The following CEP128 variants were observed in gnomAD, a reference collection of about 807,000 sequenced individuals.
The protein encoded by CEP128 is centrosomal protein 128.
In CEP128, 132 loss-of-function variants were observed where a neutral mutation model predicts 156.7. The observed-to-expected ratio is 0.84, with a 90% confidence interval of 0.73 to 0.97. The LOEUF is 0.97. Ranked by LOEUF, CEP128 falls within the 50% of genes least tolerant of loss-of-function variation. The probability of loss-of-function intolerance (pLI) is 0.00; values close to 1 mark genes in which losing one functional copy is unlikely to be tolerated. For synonymous variants in CEP128, 469 were observed against 448.9 expected, an observed-to-expected ratio of 1.04 and a Z score of -0.57; for missense variants, 1,252 against 1,281.9, an observed-to-expected ratio of 0.98 and a Z score of 0.36.
At chr14:80,840,862 C>T (rs1414523022) in intron 9 of CEP128, 94 bp from the exon 10 acceptor site, 1 of 758,362 alleles carries the variant, frequency 1.3e-6, no homozygotes, top group South Asian at 1.6e-5. Context: ...CTGAAGAAGA[C>T]ATGGATATGA....
chr14:80,533,178 A>G (rs1014465438), intron 21 of CEP128, among the ~76,000 whole-genome samples: 2 of 152,198 alleles, frequency 1.3e-5, no homozygotes, highest in Admixed American at 6.5e-5. Context: ...TTTAAATAAT[A>G]AAATTATAGG....
intron 19 of CEP128, among the ~76,000 whole-genome samples, chr14:80,708,268 G>C (rs943556558): frequency 7.9e-5 from 12 of 152,082 alleles, no homozygotes; most frequent in Admixed American, 6.6e-4. Context: ...AAATGCTTAT[G>C]AAAATTAACT....
At chr14:80,564,454 A>G (rs1452659225) in intron 20 of CEP128, among the ~76,000 whole-genome samples, 5 of 152,248 alleles carry the variant, frequency 3.3e-5, no homozygotes, top group Non-Finnish European at 7.3e-5. Context: ...GGGGAAGCCT[A>G]AAGCATGTAT....
chr14:80,761,645 T>C, intron 16 of CEP128, 32 bp from the exon 17 acceptor site: 1 of 1,523,998 alleles, frequency 6.6e-7, no homozygotes, highest in Non-Finnish European at 9.0e-7. Flanking sequence ...AACAAGGTGA[T>C]TACTATTAAG....
Position 80,592,665 on chromosome 14 carries a change from C to T in CEP128, c.2807-12242G>A, listed in dbSNP as rs201531757. Among the ~76,000 whole-genome samples, 104 of 152,312 alleles carry T rather than the reference C, an allele frequency of 6.8e-4. 1 individual carries two copies. The East Asian group carries it at 7.3e-3, about 11-fold the overall frequency. Reference sequence around the variant, plus strand: ...CTTATTTTATGAGGCCAGCACCATCCTGATACGAAAACCAGGCGGAGACAC... The same window carrying T: ...CTTATTTTATGAGGCCAGCACCATCTTGATACGAAAACCAGGCGGAGACAC... On this transcript the variant is annotated intron_variant, in intron 19 of 24. Coordinates refer to ENST00000555265, the MANE Select transcript of CEP128 (RefSeq NM_152446.5).
intron 19 of CEP128, among the ~76,000 whole-genome samples, chr14:80,729,393 T>C (rs955973781): frequency 2.6e-5 from 4 of 151,678 alleles, no homozygotes; most frequent in Admixed American, 2.0e-4. Context: ...TATATATATA[T>C]ACCACATTTT....
chr14:80,483,339 T>C (rs1277986866), intron 14 of CEP128, among the ~76,000 whole-genome samples: 3 of 152,076 alleles, frequency 2.0e-5, no homozygotes, highest in Non-Finnish European at 4.4e-5. Flanking sequence ...AAAGAAATAA[T>C]GGATGCAATG....
At chr14:80,804,591 C>A (rs1023649412) in intron 13 of CEP128, among the ~76,000 whole-genome samples, 2 of 152,128 alleles carry the variant, frequency 1.3e-5, no homozygotes, top group East Asian at 1.9e-4. Context: ...ATAAACGCTG[C>A]ATCTAAATGG....
chr14:80,867,027 A>T (rs555031130), intron 8 of CEP128, among the ~76,000 whole-genome samples: 45 of 152,130 alleles, frequency 3.0e-4, no homozygotes, highest in African/African-American at 1.1e-3. Context: ...CTCAGTATAT[A>T]TTTTTTTTCT....
At chr14:80,756,765 C>A (rs1899681037) in intron 18 of CEP128, 127 bp downstream of exon 18, 2 of 646,682 alleles carry the variant, frequency 3.1e-6, no homozygotes, top group Non-Finnish European at 5.5e-6. Flanking sequence ...GCAGTGATAT[C>A]TTCCCCTGCA....
At chr14:80,515,848 C>T (rs535362449) in intron 23 of CEP128, among the ~76,000 whole-genome samples, 6 of 152,102 alleles carry the variant, frequency 3.9e-5, no homozygotes, top group South Asian at 2.1e-4. Flanking sequence ...AGACCCATGG[C>T]GAGTACTGCC....
chr14:80,866,977 CACAG>C (rs1314789266), intron 8 of CEP128, among the ~76,000 whole-genome samples: 1 of 152,180 alleles, frequency 6.6e-6, no homozygotes, highest in Admixed American at 6.5e-5. Context: ...TTCATAATTT[CACAG>C]ACAGTAAATT....
At chr14:80,514,291 G>C (rs1355204057) in intron 23 of CEP128, among the ~76,000 whole-genome samples, 1 of 152,190 alleles carries the variant, frequency 6.6e-6, no homozygotes, top group Non-Finnish European at 1.5e-5. Context: ...CCTAAGGGCT[G>C]TGTCATGGGC....
intron 14 of CEP128, among the ~76,000 whole-genome samples, chr14:80,479,334 T>A (rs538466548): frequency 6.6e-6 from 1 of 152,184 alleles, no homozygotes; most frequent in Non-Finnish European, 1.5e-5. Context: ...AAACTGCTGA[T>A]GAAGACACAC....
intron 14 of CEP128, among the ~76,000 whole-genome samples, chr14:80,482,617 GA>G (rs1887078549): frequency 6.6e-6 from 1 of 152,148 alleles, no homozygotes; most frequent in Non-Finnish European, 1.5e-5. Context: ...CAAGACACAT[GA>G]AAAGCACATT....
chr14:80,949,694 T>A (rs12050278), intron 2 of CEP128, among the ~76,000 whole-genome samples: 1 of 151,946 alleles, frequency 6.6e-6, no homozygotes, highest in Non-Finnish European at 1.5e-5. Flanking sequence ...AAATCCCAAA[T>A]TGTTTCAAAG....
downstream of CEP128, among the ~76,000 whole-genome samples, chr14:80,492,316 C>G (rs554094116): frequency 6.6e-6 from 1 of 152,078 alleles, no homozygotes; most frequent in African/African-American, 2.4e-5. Flanking sequence ...CCAAGAGAAG[C>G]CTTTCACACC....
chr14:80,728,124 A>T (rs1298499458), intron 19 of CEP128, among the ~76,000 whole-genome samples: 1 of 152,194 alleles, frequency 6.6e-6, no homozygotes, highest in Non-Finnish European at 1.5e-5. Flanking sequence ...GGTGGACTGG[A>T]TCAAAAAAAA....
intron 19 of CEP128, among the ~76,000 whole-genome samples, chr14:80,682,329 A>G (rs1468753660): frequency 1.3e-5 from 2 of 152,216 alleles, no homozygotes; most frequent in Non-Finnish European, 2.9e-5. Context: ...AACCAGCTGA[A>G]GCAGAAGAAA....
Sources: gnomAD v4.1 joint callset for allele counts (sites outside exome capture counted in the v4.1 genomes callset) on GRCh38, gnomAD v4.1.1 for gene constraint, MANE v1.5 for transcripts, NCBI Gene and HGNC (gene_info 2026-07-23, HGNC 2026-07-21) for gene names.